Variants in ELMO1 observed in about 807,000 individuals in gnomAD.
The protein encoded by ELMO1 is engulfment and cell motility 1.
In ELMO1, 26 loss-of-function variants were observed where a neutral mutation model predicts 98.9. The observed-to-expected ratio is 0.26, with a 90% CI of 0.19 to 0.36. ELMO1 has a LOEUF of 0.36. Ranked by LOEUF, ELMO1 falls within the 10% of genes least tolerant of loss-of-function variation. ELMO1 has a pLI of 1.00. For synonymous variants in ELMO1, 346 were observed against 346.0 expected, an observed-to-expected ratio of 1.00 and a Z score of 0.00; for missense variants, 627 against 935.2, an observed-to-expected ratio of 0.67 and a Z score of 4.30.
At position 36,945,488 on chromosome 7, in the gene ELMO1, G is replaced by A. The variant is rs1787396398; in HGVS notation, c.1438-50471C>T. Among the ~76,000 whole-genome samples the A allele has an allele frequency of 3.9e-5, 6 of 152,130 alleles. 1 individual carries two copies. The highest frequency in any genetic ancestry group is 3.9e-4 in the Admixed American group (6 of 15,270). ...CATTTAACTTAGCACGAAGCTTTCC[G>A]GGAATCCCTAGAACGATCATTTAGA... On this transcript the variant is annotated intron_variant, in intron 16 of 21. Transcript: ENST00000310758.
intron 1 of ELMO1, among the ~76,000 whole-genome samples, chr7:37,448,140 G>T (rs555769757): frequency 7.4e-4 from 110 of 147,750 alleles, no homozygotes; most frequent in Non-Finnish European, 1.3e-3. Context: ...CCCCTCCCAC[G>T]AGCGCGCTCG....
At chr7:37,412,299 G>T (rs114710417) in intron 1 of ELMO1, among the ~76,000 whole-genome samples, 3,662 of 152,262 alleles carry the variant, frequency 0.024, 164 homozygotes, top group African/African-American at 0.081. Context: ...GGCGTTTGTG[G>T]GGTCCTCCTG....
intron 14 of ELMO1, among the ~76,000 whole-genome samples, chr7:37,131,758 C>A (rs1168505898): frequency 6.6e-6 from 1 of 152,160 alleles, no homozygotes; most frequent in African/African-American, 2.4e-5. Context: ...TGACCAAACA[C>A]CTGATCCCAA....
chr7:36,991,578 C>T (rs111995680), intron 16 of ELMO1, among the ~76,000 whole-genome samples: 51 of 152,328 alleles, frequency 3.3e-4, no homozygotes, highest in African/African-American at 1.2e-3. Context: ...GACCTTTTTA[C>T]AGCTCTTTTT....
At chr7:36,961,311 A>G (rs1299695722) in intron 16 of ELMO1, among the ~76,000 whole-genome samples, 1 of 152,206 alleles carries the variant, frequency 6.6e-6, no homozygotes, top group Non-Finnish European at 1.5e-5. Flanking sequence ...ACGGGGACAC[A>G]GTATGAATAA....
At chr7:37,062,725 G>C (rs1393186480) in intron 15 of ELMO1, among the ~76,000 whole-genome samples, 1 of 152,122 alleles carries the variant, frequency 6.6e-6, no homozygotes, top group African/African-American at 2.4e-5. Context: ...TCCTGGACCT[G>C]GTAAATTAAG....
chr7:36,936,868 G>C (rs576903263), intron 16 of ELMO1, among the ~76,000 whole-genome samples: 3 of 152,336 alleles, frequency 2.0e-5, no homozygotes, highest in East Asian at 3.9e-4. Flanking sequence ...AAAAAAGAAT[G>C]TGCTTAACAC....
intron 15 of ELMO1, among the ~76,000 whole-genome samples, chr7:37,060,547 G>A (rs552998134): frequency 2.6e-5 from 4 of 152,102 alleles, no homozygotes; most frequent in East Asian, 3.9e-4. Context: ...TCTAACTATC[G>A]GATACTATGC....
At chr7:36,933,856 C>T (rs775588830) in intron 16 of ELMO1, among the ~76,000 whole-genome samples, 4 of 152,290 alleles carry the variant, frequency 2.6e-5, no homozygotes, top group Middle Eastern at 6.8e-3. Context: ...GGGCTCACCT[C>T]GGAGTATCAA....
At chr7:37,147,597 A>G (rs889915730) in intron 13 of ELMO1, among the ~76,000 whole-genome samples, 1 of 152,200 alleles carries the variant, frequency 6.6e-6, no homozygotes, top group Admixed American at 6.5e-5. Flanking sequence ...GTCCAAGAGG[A>G]GTCAACTTCA....
intron 15 of ELMO1, among the ~76,000 whole-genome samples, chr7:37,023,530 G>C (rs1401465787): frequency 6.6e-6 from 1 of 152,090 alleles, no homozygotes; most frequent in African/African-American, 2.4e-5. Flanking sequence ...ATCAGCTTCT[G>C]AAGTTGGGCA....
chr7:37,050,368 G>A (rs1403309234), intron 15 of ELMO1, among the ~76,000 whole-genome samples: 1 of 152,082 alleles, frequency 6.6e-6, no homozygotes, highest in Non-Finnish European at 1.5e-5. Context: ...CCAAAGTGCT[G>A]GGATTATAGG....
At chr7:37,237,455 A>G (rs776823554) in intron 7 of ELMO1, among the ~76,000 whole-genome samples, 10 of 151,802 alleles carry the variant, frequency 6.6e-5, no homozygotes, top group Non-Finnish European at 1.2e-4. Flanking sequence ...ATGCCCAGCT[A>G]ATTTTTGTAT....
At chr7:36,916,756 T>C (rs767339430) in intron 16 of ELMO1, among the ~76,000 whole-genome samples, 2 of 152,246 alleles carry the variant, frequency 1.3e-5, no homozygotes, top group Non-Finnish European at 2.9e-5. Flanking sequence ...ACACTTGAGC[T>C]GCATCCCAGA....
chr7:37,106,366 A>G (rs958118133), intron 14 of ELMO1, among the ~76,000 whole-genome samples: 18 of 152,094 alleles, frequency 1.2e-4, no homozygotes, highest in African/African-American at 4.3e-4. Flanking sequence ...TGTGATTGAA[A>G]GGAGGCTCTC....
chr7:37,385,318 T>G (rs1423485777), intron 1 of ELMO1, among the ~76,000 whole-genome samples: 1 of 152,208 alleles, frequency 6.6e-6, no homozygotes, highest in East Asian at 1.9e-4. Flanking sequence ...CTCTGGCCCC[T>G]TTTCTGTTCC....
chr7:36,901,596 C>T (rs1405154288), intron 16 of ELMO1, among the ~76,000 whole-genome samples: 1 of 152,194 alleles, frequency 6.6e-6, no homozygotes, highest in Non-Finnish European at 1.5e-5. Flanking sequence ...AAAACAACAC[C>T]TGGCTTTATA....
chr7:37,295,524 C>A (rs894794615), intron 4 of ELMO1, among the ~76,000 whole-genome samples: 8 of 152,178 alleles, frequency 5.3e-5, no homozygotes, highest in Admixed American at 2.0e-4. Context: ...AATGAGAGAA[C>A]AATTAAAGAT....
At chr7:36,931,688 G>A (rs1261191109) in intron 16 of ELMO1, among the ~76,000 whole-genome samples, 5 of 152,310 alleles carry the variant, frequency 3.3e-5, no homozygotes, top group East Asian at 1.9e-4. Context: ...TTATAAGCAC[G>A]TGGCCAGCTC....
Sources: gnomAD v4.1 joint callset for allele counts (sites outside exome capture counted in the v4.1 genomes callset) on GRCh38, gnomAD v4.1.1 for gene constraint, MANE v1.5 for transcripts, NCBI Gene and HGNC (gene_info 2026-07-23, HGNC 2026-07-21) for gene names.